POLR1C: variants seen among roughly 807,000 people sequenced by gnomAD.
POLR1C encodes the protein RNA polymerase I and III subunit C, also known as DNA-directed RNA polymerases I and III subunit RPAC1.
POLR1C carries 42 observed loss-of-function variants against 38.3 expected under a neutral mutation model. That is an observed-to-expected ratio of 1.10 (90% confidence interval 0.86 to 1.42). The LOEUF (loss-of-function observed/expected upper bound fraction) is 1.42. Ranked by LOEUF, POLR1C falls within the 40% of genes most tolerant of loss-of-function variation. POLR1C has a pLI of 0.00. For synonymous variants in POLR1C, 163 were observed against 163.9 expected, an observed-to-expected ratio of 0.99 and a Z score of 0.04; for missense variants, 507 against 450.5, an observed-to-expected ratio of 1.13 and a Z score of -1.14.
intron 10 of POLR1C, chr6:43,553,514 C>T (rs1795355682): frequency 1.3e-6 from 2 of 1,544,920 alleles, no homozygotes; most frequent in Admixed American, 2.0e-5. Flanking sequence ...CTTTAAAACA[C>T]ACACACACAC....
chr6:43,524,694 T>C, downstream of POLR1C: 2 of 1,593,782 alleles, frequency 1.3e-6, no homozygotes, highest in Non-Finnish European at 1.7e-6. Flanking sequence ...ACCCTCCCCA[T>C]TTCCTGCCAC....
intron 9 of POLR1C, among the ~76,000 whole-genome samples, chr6:43,540,646 T>C (rs1423818848): frequency 6.6e-6 from 1 of 151,926 alleles, no homozygotes; most frequent in African/African-American, 2.4e-5. Context: ...AGAGTGACAC[T>C]CCGTTTCAAA....
At chr6:43,520,847 C>G in intron 7 of POLR1C, 73 bp downstream of exon 7, 2 of 1,598,826 alleles carry the variant, frequency 1.3e-6, no homozygotes, top group Non-Finnish European at 1.7e-6. Context: ...AAATAAAAAC[C>G]CTGGGCTCCT....
chr6:43,557,522 T>A (rs1280962131), intron 10 of POLR1C, among the ~76,000 whole-genome samples: 1 of 152,108 alleles, frequency 6.6e-6, no homozygotes, highest in Non-Finnish European at 1.5e-5. Flanking sequence ...AGACCATGTA[T>A]GATTCAATTT....
chr6:43,521,591 C>G (rs1021906811), downstream of POLR1C: 1 of 602,342 alleles, frequency 1.7e-6, no homozygotes, highest in Non-Finnish European at 2.5e-6. Flanking sequence ...GTGGTGCAAT[C>G]TCAGCTCACT....
intron 2 of POLR1C, among the ~76,000 whole-genome samples, chr6:43,518,485 C>G (rs1037555067): frequency 2.0e-5 from 3 of 152,048 alleles, no homozygotes; most frequent in African/African-American, 7.2e-5. Flanking sequence ...AGACTGCATG[C>G]TTGAAATGAG....
chr6:43,524,769 G>A (rs570838275), downstream of POLR1C: 3 of 1,604,118 alleles, frequency 1.9e-6, no homozygotes, highest in Non-Finnish European at 2.6e-6. Context: ...AGGCCCAAGA[G>A]ACTAGGAGCA....
At chr6:43,521,149 C>G in intron 8 of POLR1C, 33 bp from the exon 9 acceptor site, 1 of 1,611,192 alleles carries the variant, frequency 6.2e-7, no homozygotes, top group African/African-American at 1.3e-5. Flanking sequence ...CAGGCAAGCC[C>G]TGCCTAGACT....
At chr6:43,528,755 G>A (rs1041777296) in intron 8 of POLR1C, 1 of 1,424,042 alleles carries the variant, frequency 7.0e-7, no homozygotes, top group South Asian at 1.2e-5. Flanking sequence ...AGGAGCTCCT[G>A]ACTTGCAAAG....
intron 10 of POLR1C, chr6:43,561,293 G>T (rs1762401407): frequency 2.9e-6 from 1 of 339,678 alleles, no homozygotes; most frequent in Non-Finnish European, 5.4e-6. Context: ...ATTACAGAAA[G>T]AAAAAAAATC....
At position 43,521,342 on chromosome 6, in the gene POLR1C, C is replaced by A. The variant is rs759584057; in HGVS notation, c.*42C>A. ...GGCAAGCTGAAGCTTTGGGTTCTGA[C>A]TGACCCACCCTACAGGACTGCTGAA... On this transcript the variant is annotated 3_prime_UTR_variant, in exon 9 of 9. Coordinates refer to ENST00000642195, the MANE Select transcript of POLR1C (RefSeq NM_203290.4). 1 of 1,611,402 alleles carries A rather than the reference C, an allele frequency of 6.2e-7. No homozygotes were observed. The highest frequency in any genetic ancestry group is 1.1e-5 in the South Asian group (1 of 90,774).
Position 43,551,523 on chromosome 6 carries a change from T to C in POLR1C, c.*48+512T>C, listed in dbSNP as rs191767827. On this transcript the variant is annotated intron_variant, in intron 10 of 10. Transcript: ENST00000607635. ...TAGAAATAACCATTTTGGCTACATTTTATTTTCATCTTTTAAAGAGACAGG... is the reference window on the plus strand; with the variant it reads ...TAGAAATAACCATTTTGGCTACATTCTATTTTCATCTTTTAAAGAGACAGG... The C allele has an allele frequency of 1.3e-5, 20 of 1,569,590 alleles. No homozygotes were observed. The East Asian group carries it at 1.6e-4, about 12-fold the overall frequency.
chr6:43,548,323 C>T lies in POLR1C; in HGVS notation c.*5-2645C>T, dbSNP rs1304721119. On this transcript the variant is annotated intron_variant, in intron 9 of 10. Coordinates refer to the POLR1C transcript ENST00000607635. The stretch of plus-strand genomic sequence containing the variant: ...GTGCCATCAGCTCCTCTAGGAACAC[C>T]TTCTGACGCTCGTAGTTCTTAAATT... 9 of 1,613,504 alleles carry T rather than the reference C, an allele frequency of 5.6e-6. No homozygotes were observed. The Admixed American group carries it at 1.3e-4, about 24-fold the overall frequency.
At position 43,557,425 on chromosome 6, in the gene POLR1C, C is replaced by CA. The variant is rs1227954173; in HGVS notation, c.*49-3965dup. 8.0e-3 allele frequency among the ~76,000 whole-genome samples: 1,154 copies of CA among 143,548 alleles called. 9 individuals are homozygous for CA. The highest frequency in any genetic ancestry group is 0.027 in the African/African-American group (1,065 of 38,980). The allele number at this position is 143,548 out of a possible 152,430, so 94.2% of individuals were successfully genotyped here. ...TGGGCGACAGAGCGAGACTCCATCTCAAAAAAAAAAGAAATCAAGTACTGA... is the reference window on the plus strand; with the variant it reads ...TGGGCGACAGAGCGAGACTCCATCTCAAAAAAAAAAAGAAATCAAGTACTGA... On this transcript the variant is annotated intron_variant, in intron 10 of 10. Coordinates refer to the POLR1C transcript ENST00000607635.
chr6:43,543,023 G>A (rs1337711573), intron 9 of POLR1C, among the ~76,000 whole-genome samples: 1 of 151,940 alleles, frequency 6.6e-6, no homozygotes, highest in African/African-American at 2.4e-5. Context: ...ATACAAGCAA[G>A]GAGAACAAAA....
At chr6:43,528,678 C>A in intron 8 of POLR1C, 1 of 727,602 alleles carries the variant, frequency 1.4e-6, no homozygotes, top group South Asian at 1.7e-5. Flanking sequence ...GATCCTACAG[C>A]AAGGATAGTC....
chr6:43,548,335 G>C, intron 9 of POLR1C: 1 of 1,613,570 alleles, frequency 6.2e-7, no homozygotes, highest in Non-Finnish European at 8.5e-7. Flanking sequence ...TCTGACGCTC[G>C]TAGTTCTTAA....
chr6:43,542,607 G>A (rs1006825492), intron 9 of POLR1C, among the ~76,000 whole-genome samples: 3 of 151,978 alleles, frequency 2.0e-5, no homozygotes, highest in African/African-American at 7.3e-5. Flanking sequence ...GGTATTTTGA[G>A]TAGAGACGGG....
chr6:43,517,381 A>G lies in POLR1C; in HGVS notation c.141+4A>G. ...GGACCAGGACCGCTTCGAGAAGGTA[A>G]GTGGGGCCGGAGTTGTCTGGGGAGG... On this transcript the variant is annotated splice_donor_region_variant and intron_variant, in intron 2 of 8. Coordinates refer to ENST00000642195, the MANE Select transcript of POLR1C (RefSeq NM_203290.4). 6.2e-7 allele frequency: 1 copy of G among 1,613,330 alleles called. No homozygotes were observed. The highest frequency in any genetic ancestry group is 8.5e-7 in the Non-Finnish European group (1 of 1,179,680).
Sources: gnomAD v4.1 joint callset for allele counts (sites outside exome capture counted in the v4.1 genomes callset) on GRCh38, gnomAD v4.1.1 for gene constraint, MANE v1.5 for transcripts, NCBI Gene and HGNC (gene_info 2026-07-23, HGNC 2026-07-21) for gene names.